Variants in TCF20 observed in about 807,000 individuals in gnomAD.
TCF20 encodes the protein SPRE-binding protein.
In TCF20, 3 loss-of-function variants were observed where a neutral mutation model predicts 148.6. The ratio of observed to expected loss-of-function variants is 0.02; its 90% CI spans 0.01 to 0.05. The LOEUF (loss-of-function observed/expected upper bound fraction) is 0.05, where lower values mean the gene tolerates loss of function less well. TCF20 is among the 10% of genes least tolerant of loss of function. The probability of loss-of-function intolerance (pLI) is 1.00; values close to 1 mark genes in which losing one functional copy is unlikely to be tolerated. For synonymous variants in TCF20, 1,049 were observed against 909.5 expected (o/e 1.15, Z -2.76); for missense variants, 2,350 against 2,429.3 (o/e 0.97, Z 0.69).
At chr22:42,323,054 C>A (rs1927764513) in intron 1 of TCF20, among the ~76,000 whole-genome samples, 1 of 151,680 alleles carries the variant, frequency 6.6e-6, no homozygotes, top group African/African-American at 2.4e-5. Context: ...TTATAGGCAC[C>A]TGCCACCACG....
intron 1 of TCF20, among the ~76,000 whole-genome samples, chr22:42,340,268 T>G (rs1054525485): frequency 1.3e-5 from 2 of 152,174 alleles, no homozygotes; most frequent in African/African-American, 4.8e-5. Context: ...AAGGCCACAT[T>G]TGAACCACCT....
chr22:42,284,773 C>T (rs993799650), upstream of TCF20, among the ~76,000 whole-genome samples: 3 of 152,186 alleles, frequency 2.0e-5, no homozygotes, highest in Admixed American at 6.5e-5. Flanking sequence ...GCGTCCGTTC[C>T]GAGGGGCTGA....
intron 1 of TCF20, among the ~76,000 whole-genome samples, chr22:42,227,504 C>T (rs1046514290): frequency 1.3e-5 from 2 of 152,134 alleles, no homozygotes; most frequent in African/African-American, 2.4e-5. Flanking sequence ...TCCTCCATAA[C>T]CAGCATACAA....
At chr22:42,284,982 T>C (rs1007233621), upstream of TCF20, among the ~76,000 whole-genome samples, 17 of 152,226 alleles carry the variant, frequency 1.1e-4, no homozygotes, top group African/African-American at 4.1e-4. Context: ...AGCCGCCTAC[T>C]CCGTAGCTGT....
intron 2 of TCF20, among the ~76,000 whole-genome samples, chr22:42,207,897 T>G (rs1229897048): frequency 1.3e-5 from 2 of 152,102 alleles, no homozygotes; most frequent in African/African-American, 4.8e-5. Flanking sequence ...TTTTTAAAAA[T>G]TATAGTACAG....
chr22:42,260,152 A>G (rs181116234), intron 1 of TCF20, among the ~76,000 whole-genome samples: 52 of 152,242 alleles, frequency 3.4e-4, no homozygotes, highest in South Asian at 8.3e-4. Flanking sequence ...TGAGAAGCAG[A>G]GTGTTCCAGA....
chr22:42,333,566 T>A (rs1180487361), intron 1 of TCF20, among the ~76,000 whole-genome samples: 1 of 152,232 alleles, frequency 6.6e-6, no homozygotes, highest in African/African-American at 2.4e-5. Context: ...AAGGAACCAG[T>A]GGTCCCCACC....
chr22:42,180,276 G>A (rs993620751), intron 2 of TCF20, among the ~76,000 whole-genome samples: 3 of 152,252 alleles, frequency 2.0e-5, no homozygotes, highest in Middle Eastern at 3.4e-3. Context: ...GCTCCTGTGT[G>A]CAAATGGTAT....
intron 1 of TCF20, among the ~76,000 whole-genome samples, chr22:42,247,611 CA>C: frequency 6.6e-6 from 1 of 152,008 alleles, no homozygotes; most frequent in Non-Finnish European, 1.5e-5. Flanking sequence ...CCCTGAAGAC[CA>C]AGGCAAGGTG....
At chr22:42,247,074 A>C (rs1429213070) in intron 1 of TCF20, among the ~76,000 whole-genome samples, 2 of 152,098 alleles carry the variant, frequency 1.3e-5, no homozygotes, top group Non-Finnish European at 2.9e-5. Flanking sequence ...GGAAACATCC[A>C]GTTAAGGGAA....
chr22:42,290,650 G>A lies in TCF20; in HGVS notation c.-37+52829C>T. 6.6e-6 allele frequency among the ~76,000 whole-genome samples: 1 copy of A among 152,198 alleles called. No homozygotes were observed. Among genetic ancestry groups the A allele is most frequent in the East Asian group, 1.9e-4 (1 of 5,178 alleles). On this transcript the variant is annotated intron_variant, in intron 1 of 1. Coordinates refer to the TCF20 transcript ENST00000515426. The surrounding 1 kb of genome is among the most constrained non-coding windows in gnomAD (Gnocchi z 4.2). ...CAGAGGAGAAGGAGCGCGTGCCCCT[G>A]AGCCCACTCGCTGTGGCTGCAGCAT...
chr22:42,212,677 C>T lies in TCF20; in HGVS notation c.2629G>A (p.Val877Ile). 1 of 1,614,188 alleles carries T rather than the reference C, an allele frequency of 6.2e-7. No individual in the cohort carries two copies. ...AGTGAGTGAGCCCCTGGGTCCCTGA[C>T]AATCTGTCTTAGTGGAGAAATATCA... The part of the protein sequence containing the change: ...ICDISPLRQI[V>I]RDPGAHSLGH... Residue 877 changes from valine (V) to isoleucine (I), a missense_variant, in exon 2 of 6, where the codon GTC becomes ATC. Physicochemically the swap from Val to Ile is conservative, Grantham distance 29. Around this residue, in one of 7 missense-constraint regions of TCF20, gnomAD observed 1,641 missense variants for 1,662.6 expected, o/e 0.99. Coordinates refer to ENST00000677622, the MANE Select transcript of TCF20 (RefSeq NM_001378418.1).
intron 1 of TCF20, among the ~76,000 whole-genome samples, chr22:42,239,982 C>A (rs1924251304): frequency 6.6e-6 from 1 of 151,780 alleles, no homozygotes; most frequent in Non-Finnish European, 1.5e-5. Context: ...CTGTGAAGTA[C>A]AATAAAGTAG....
In TCF20 at chr22:42,338,923, T is replaced by C. The variant is rs746372186; in HGVS notation, c.-37+4556A>G. ...TAAGGATGGGGGTGAGCAGGGTGTC[T>C]GGTCCCATTTTTCAGATAGGAGAGG... On this transcript the variant is annotated intron_variant, in intron 1 of 1. Coordinates refer to the TCF20 transcript ENST00000515426. The surrounding 1 kb of genome is among the most constrained non-coding windows in gnomAD (Gnocchi z 4.0). Among the ~76,000 whole-genome samples, 15 of 152,244 alleles carry C rather than the reference T, an allele frequency of 9.9e-5. No homozygotes were observed. Among genetic ancestry groups the C allele is most frequent in the Middle Eastern group, 6.8e-3 (2 of 294 alleles).
intron 1 of TCF20, among the ~76,000 whole-genome samples, chr22:42,216,929 T>G (rs1318054224): frequency 6.6e-6 from 1 of 152,156 alleles, no homozygotes; most frequent in Non-Finnish European, 1.5e-5. Context: ...CAAGTGACTT[T>G]AGAACCAATT....
chr22:42,194,611 G>A lies in TCF20; in HGVS notation c.5656-14909C>T, dbSNP rs548529644. ...CTGGGAGAGTGTGGGGTGGGGGCGGGGGTAGCGGTAGATGGTGTTACTGAG... is the reference window on the plus strand; with the variant it reads ...CTGGGAGAGTGTGGGGTGGGGGCGGAGGTAGCGGTAGATGGTGTTACTGAG... On this transcript the variant is annotated intron_variant, in intron 2 of 5. Transcript: ENST00000677622. Among the ~76,000 whole-genome samples the A allele has an allele frequency of 8.6e-5, 13 of 151,914 alleles. No homozygotes were observed. The South Asian group carries it at 1.5e-3, about 17-fold the overall frequency.
Position 42,317,960 on chromosome 22 carries a change from G to A in TCF20, c.-37+25519C>T, listed in dbSNP as rs1927662940. Among the ~76,000 whole-genome samples, 1 of 152,224 alleles carries A rather than the reference G, an allele frequency of 6.6e-6. No homozygotes were observed. The highest frequency in any genetic ancestry group is 1.5e-5 in the Non-Finnish European group (1 of 68,028). On this transcript the variant is annotated intron_variant, in intron 1 of 1. Coordinates refer to the TCF20 transcript ENST00000515426. This position sits in a 1 kb window ranked among gnomAD's most constrained non-coding sequence, Gnocchi z 4.2. ...CAGCCCCATTGGCCACACTCCCAGA[G>A]CCCTATGGGGCAGGCAGGCCCAGGC...
chr22:42,223,420 GAC>G (rs1208720670), intron 1 of TCF20, among the ~76,000 whole-genome samples: 2 of 152,112 alleles, frequency 1.3e-5, no homozygotes, highest in African/African-American at 4.8e-5. Flanking sequence ...TGAAAATCCT[GAC>G]ACACACTTGG....
intron 1 of TCF20, among the ~76,000 whole-genome samples, chr22:42,220,079 G>C (rs966837386): frequency 8.5e-5 from 13 of 152,130 alleles, no homozygotes; most frequent in African/African-American, 3.1e-4. Flanking sequence ...CATCCTATTA[G>C]AGGGCTGATG....
Sources: gnomAD v4.1 joint callset for allele counts (sites outside exome capture counted in the v4.1 genomes callset) on GRCh38, gnomAD v4.1.1 for gene constraint, gnomAD v4.1.1 regional missense constraint, Gnocchi (gnomAD v3.1) non-coding constraint, MANE v1.5 for transcripts, NCBI Gene and HGNC (gene_info 2026-07-23, HGNC 2026-07-21) for gene names.